The following GPR89B variants were observed in gnomAD, a reference collection of about 807,000 sequenced individuals.
The protein encoded by GPR89B is golgi pH regulator B.
Under a neutral mutation model 52.4 loss-of-function variants are expected in GPR89B, and 25 were observed. That is an observed-to-expected ratio of 0.48 (90% CI 0.35 to 0.67). The LOEUF (loss-of-function observed/expected upper bound fraction) is 0.67, where lower values mean the gene tolerates loss of function less well. Among genes scored for constraint, GPR89B ranks in the 30% least tolerant of loss-of-function variants. GPR89B has a pLI of 0.01. For missense variants in GPR89B, 146 were observed against 450.2 expected, an observed-to-expected ratio of 0.32 and a Z score of 6.11; for synonymous variants, 52 against 151.2, an observed-to-expected ratio of 0.34 and a Z score of 4.81.
rs2796991 is a variant in GPR89B, at chr1:147,956,655, A to G, written c.617+2253A>G. On this transcript the variant is annotated intron_variant, in intron 7 of 13. Transcript: ENST00000314163. ...ACAACATTAATAGAAGAAATTGAAG[A>G]CGACACAAATAAATGGAAAGATATC... Among the ~76,000 whole-genome samples, 1,180 of 152,068 alleles carry G rather than the reference A, an allele frequency of 7.8e-3. 16 individuals are homozygous for G. Among genetic ancestry groups the G allele is most frequent in the African/African-American group, 0.027 (1,106 of 41,406 alleles).
At chr1:147,980,776 G>C (rs1276324689) in intron 10 of GPR89B, among the ~76,000 whole-genome samples, 2 of 119,380 alleles carry the variant, frequency 1.7e-5, no homozygotes, top group Non-Finnish European at 3.2e-5. Flanking sequence ...CCGAGATCCC[G>C]CCACTGCACT....
At chr1:147,946,719 C>A (rs1228532677) in intron 5 of GPR89B, among the ~76,000 whole-genome samples, 1 of 152,142 alleles carries the variant, frequency 6.6e-6, no homozygotes, top group Non-Finnish European at 1.5e-5. Flanking sequence ...CCAGGCTGCA[C>A]CAGAGGGAAG....
At chr1:148,018,006 T>A in the GPR89B span, among the ~76,000 whole-genome samples, 1 of 146,802 alleles carries the variant, frequency 6.8e-6, no homozygotes, top group East Asian at 2.0e-4. Flanking sequence ...AGGTACATGA[T>A]TACCTTCTTC....
At chr1:147,949,315 C>T (rs1224540499) in intron 5 of GPR89B, among the ~76,000 whole-genome samples, 1 of 148,980 alleles carries the variant, frequency 6.7e-6, no homozygotes, top group African/African-American at 2.6e-5. Flanking sequence ...CAGAGGGGCT[C>T]CTCACTTCCC....
chr1:147,989,508 T>C (rs1658903129), intron 12 of GPR89B, among the ~76,000 whole-genome samples: 1 of 152,048 alleles, frequency 6.6e-6, no homozygotes, highest in Non-Finnish European at 1.5e-5. Flanking sequence ...TGGATACATG[T>C]GCCATGTTGG....
the GPR89B span, among the ~76,000 whole-genome samples, chr1:147,999,833 A>G: frequency 6.6e-6 from 1 of 152,088 alleles, no homozygotes; most frequent in African/African-American, 2.4e-5. Context: ...CATGCTCTGA[A>G]TATTCCAATT....
the GPR89B span, among the ~76,000 whole-genome samples, chr1:148,019,307 C>G: frequency 6.6e-6 from 1 of 151,236 alleles, no homozygotes; most frequent in Non-Finnish European, 1.5e-5. Context: ...AGCAAGCTAA[C>G]ACAGAAACAG....
At chr1:147,940,319 C>T (rs1354744273) in intron 3 of GPR89B, among the ~76,000 whole-genome samples, 29 of 151,724 alleles carry the variant, frequency 1.9e-4, no homozygotes, top group Non-Finnish European at 3.2e-4. Context: ...AGGAGAATGG[C>T]CTGAACCCAG....
the GPR89B span, among the ~76,000 whole-genome samples, chr1:148,012,753 T>C: frequency 6.6e-6 from 1 of 151,902 alleles, no homozygotes; most frequent in Non-Finnish European, 1.5e-5. Flanking sequence ...CTTGATCCGA[T>C]GTAGTAAAGA....
At chr1:147,956,453 A>T (rs1283074207) in intron 7 of GPR89B, among the ~76,000 whole-genome samples, 1 of 152,022 alleles carries the variant, frequency 6.6e-6, no homozygotes, top group Non-Finnish European at 1.5e-5. Flanking sequence ...TTTGATAGGG[A>T]TTACATTAAA....
intron 10 of GPR89B, among the ~76,000 whole-genome samples, chr1:147,983,254 T>C (rs1288833130): frequency 2.4e-4 from 36 of 152,170 alleles, no homozygotes; most frequent in African/African-American, 8.7e-4. Context: ...ATTCAGGACA[T>C]AGGCATGGGC....
intron 5 of GPR89B, among the ~76,000 whole-genome samples, chr1:147,949,600 C>CG (rs1655368650): frequency 8.0e-6 from 1 of 124,974 alleles, no homozygotes; most frequent in Middle Eastern, 5.0e-3. Context: ...CCTCCAGGAC[C>CG]GGGCAGCTGA....
At chr1:147,976,637 C>T (rs1657842670) in intron 10 of GPR89B, among the ~76,000 whole-genome samples, 1 of 151,186 alleles carries the variant, frequency 6.6e-6, no homozygotes, top group South Asian at 2.1e-4. Context: ...GCATTTAGCC[C>T]ATTTACATTT....
At chr1:147,973,756 GA>G in intron 10 of GPR89B, among the ~76,000 whole-genome samples, 1 of 152,048 alleles carries the variant, frequency 6.6e-6, no homozygotes, top group African/African-American at 2.4e-5. Flanking sequence ...GCCATGTCCT[GA>G]ATGGTATTGC....
chr1:147,973,533 A>G (rs1368309299), intron 10 of GPR89B, among the ~76,000 whole-genome samples: 2 of 151,478 alleles, frequency 1.3e-5, no homozygotes, highest in African/African-American at 2.4e-5. Context: ...TTTTCTTGTA[A>G]ATTTGTTTAA....
rs1228954636 is a variant in GPR89B, at chr1:147,984,257, G to A, written c.910-1942G>A. ...ATGAGTTAATGGGTGCAGCACACCA[G>A]CATGTCACATGTATACATATGTAAC... On this transcript the variant is annotated intron_variant, in intron 10 of 13. Coordinates refer to ENST00000314163, the MANE Select transcript of GPR89B (RefSeq NM_016334.5). Among the ~76,000 whole-genome samples the A allele has an allele frequency of 5.6e-3, 852 of 151,684 alleles. 27 individuals are homozygous for A. The East Asian group carries it at 0.094, about 17-fold the overall frequency.
chr1:147,995,585 C>A (rs1490818840), downstream of GPR89B: 4 of 1,607,060 alleles, frequency 2.5e-6, no homozygotes, highest in South Asian at 4.4e-5. Context: ...AAGAAATAGG[C>A]CCCCACTCAC....
chr1:147,977,312 A>G (rs1571303450), intron 10 of GPR89B, among the ~76,000 whole-genome samples: 1 of 146,986 alleles, frequency 6.8e-6, no homozygotes, highest in Non-Finnish European at 1.5e-5. Flanking sequence ...TAGGGTTTCC[A>G]CTGAGAGGTG....
chr1:148,006,330 T>A, the GPR89B span, among the ~76,000 whole-genome samples: 1 of 152,090 alleles, frequency 6.6e-6, no homozygotes. Context: ...ATATTAGCCA[T>A]CGTATGCTGC....
Sources: gnomAD v4.1 joint callset for allele counts (sites outside exome capture counted in the v4.1 genomes callset) on GRCh38, gnomAD v4.1.1 for gene constraint, MANE v1.5 for transcripts, NCBI Gene and HGNC (gene_info 2026-07-23, HGNC 2026-07-21) for gene names.